The following DDA1 variants were observed in gnomAD, a reference collection of about 807,000 sequenced individuals.
DDA1 encodes DET1 and DDB1 associated 1.
Under a neutral mutation model 18.6 loss-of-function variants are expected in DDA1, and 3 were observed. That is an observed-to-expected ratio of 0.16 (90% CI 0.07 to 0.42). DDA1 has a LOEUF of 0.42. Ranked by LOEUF, DDA1 falls within the 10% of genes least tolerant of loss-of-function variation. DDA1 has a pLI of 0.99. For synonymous variants in DDA1, 52 were observed against 54.0 expected, an observed-to-expected ratio of 0.96 and a Z score of 0.17; for missense variants, 105 against 138.2, an observed-to-expected ratio of 0.76 and a Z score of 1.20.
rs760394803 is a variant in DDA1 at position 17,309,682 on chromosome 19, C to T, written c.3+25C>T. On this transcript the variant is annotated intron_variant, in intron 1 of 4. Transcript: ENST00000359866. ...GGTGAGGATGGCCTCCAGGCCCCCA[C>T]TCCCCCTCTGCTAGACAAAATGGCG... The T allele has an allele frequency of 6.2e-6, 10 of 1,611,690 alleles. No individual in the cohort carries two copies. In the South Asian group the frequency reaches 1.1e-4, roughly 18 times the overall value.
At position 17,323,028 on chromosome 19, in the gene DDA1, G is replaced by C. The variant is rs1366912281; in HGVS notation, c.*3372G>C. On this transcript the variant is annotated 3_prime_UTR_variant, in exon 5 of 5. Coordinates refer to ENST00000359866, the MANE Select transcript of DDA1 (RefSeq NM_024050.6). ...GTGGCTGAAGCCAGGGCTGAAGTTG[G>C]CCTCCAAATCTGGGCCGTCTCAGAG... 3 of 152,278 alleles carry C rather than the reference G, an allele frequency of 2.0e-5. No individual in the cohort carries two copies. Among genetic ancestry groups the C allele is most frequent in the African/African-American group, 7.2e-5 (3 of 41,468 alleles). The allele number at this position is 152,278 out of a possible 1,614,324, so 9.4% of individuals were successfully genotyped here. A position where few individuals can be genotyped will look rare whatever the true frequency, so the allele number is the denominator to read the frequency against.
At chr19:17,310,528 CA>C (rs2074174250) in intron 1 of DDA1, among the ~76,000 whole-genome samples, 1 of 152,192 alleles carries the variant, frequency 6.6e-6, no homozygotes, top group Admixed American at 6.5e-5. Context: ...AGCCTCTCCA[CA>C]ACCCCCATTA....
intron 3 of DDA1, among the ~76,000 whole-genome samples, chr19:17,315,142 TAC>T (rs199535528): frequency 0.011 from 1,065 of 99,260 alleles, 284 homozygotes; most frequent in African/African-American, 0.054. Context: ...CACATATATA[TAC>T]ACACACGTAT....
Position 17,319,703 on chromosome 19 carries a change from G to T in DDA1, c.*47G>T, listed in dbSNP as rs376535384. The T allele has an allele frequency of 4.7e-5, 71 of 1,514,258 alleles. No individual in the cohort carries two copies. The highest frequency in any genetic ancestry group is 6.1e-5 in the Non-Finnish European group (68 of 1,119,152). The allele number at this position is 1,514,258 out of a possible 1,614,324, so 93.8% of individuals were successfully genotyped here. A position where few individuals can be genotyped will look rare whatever the true frequency, so the allele number is the denominator to read the frequency against. Reference sequence around the variant, plus strand: ...CTCCTGCCAGGTCTGCTCCTCGGTCGCCCACCCGCCTGCCCGCCATGTGTA... The same window carrying T: ...CTCCTGCCAGGTCTGCTCCTCGGTCTCCCACCCGCCTGCCCGCCATGTGTA... On this transcript the variant is annotated 3_prime_UTR_variant, in exon 5 of 5. Transcript: ENST00000359866.
At position 17,315,951 on chromosome 19, in the gene DDA1, A is replaced by T; in HGVS notation, c.154A>T (p.Thr52Ser). 1.2e-6 allele frequency: 2 copies of T among 1,614,160 alleles called. No homozygotes were observed. The highest frequency in any genetic ancestry group is 1.7e-6 in the Non-Finnish European group (2 of 1,180,032). Residue 52 changes from threonine to serine, a missense_variant, in exon 4 of 5, where the codon ACA (threonine) becomes TCA (serine). Around this residue, in one of 2 missense-constraint regions of DDA1, gnomAD observed 43 missense variants for 82.3 expected, o/e 0.52. Transcript: ENST00000359866. Reference sequence around the variant, plus strand: ...CTCCTTAGTCATCGTGACAGAAAAGACAAACATCCTCCTGCGCTACCTGCA... The same window carrying T: ...CTCCTTAGTCATCGTGACAGAAAAGTCAAACATCCTCCTGCGCTACCTGCA... ...PSEQIIVTEKTNILLRYLHQQ... is the reference protein window; with the variant it reads ...PSEQIIVTEKSNILLRYLHQQ...
At chr19:17,312,022 C>T (rs553397957) in intron 1 of DDA1, among the ~76,000 whole-genome samples, 1 of 152,268 alleles carries the variant, frequency 6.6e-6, no homozygotes, top group East Asian at 1.9e-4. Flanking sequence ...AAAGGCTGCC[C>T]CTGAGGGAGC....
Position 17,314,364 on chromosome 19 carries a change from T to C in DDA1, c.111T>C (p.Pro37=), listed in dbSNP as rs1478629597. 1 of 1,614,236 alleles carries C rather than the reference T, an allele frequency of 6.2e-7. No individual in the cohort carries two copies. Among genetic ancestry groups the C allele is most frequent in the South Asian group, 1.1e-5 (1 of 91,086 alleles). ...ASNRRPSVYL[P]TREYPSEQII... ...ACCGACGGCCCTCAGTCTACCTGCC[T>C]ACCCGCGAGTACCCGTCTGAACAGA... The change falls in exon 3 of 5, where the codon CCT becomes CCC. Residue 37 remains proline, a synonymous_variant. Coordinates refer to ENST00000359866, the MANE Select transcript of DDA1 (RefSeq NM_024050.6). This position sits in a 1 kb window ranked among gnomAD's most constrained non-coding sequence, Gnocchi z 4.6.
chr19:17,318,340 T>C (rs1278179995), intron 4 of DDA1, among the ~76,000 whole-genome samples: 1 of 152,204 alleles, frequency 6.6e-6, no homozygotes, highest in Non-Finnish European at 1.5e-5. Flanking sequence ...CAAGCGATTC[T>C]CCTGCCTCAG....
intron 4 of DDA1, among the ~76,000 whole-genome samples, chr19:17,317,750 G>A (rs969618152): frequency 1.3e-5 from 2 of 149,688 alleles, no homozygotes; most frequent in Non-Finnish European, 3.0e-5. Context: ...GAGGTGGGAG[G>A]ATCGCTTGAG....
At chr19:17,318,021 T>G (rs1442160886) in intron 4 of DDA1, among the ~76,000 whole-genome samples, 1 of 151,972 alleles carries the variant, frequency 6.6e-6, no homozygotes, top group Non-Finnish European at 1.5e-5. Flanking sequence ...TTTCCCCTTT[T>G]TTTCCCCCTT....
intron 4 of DDA1, 82 bp downstream of exon 4, chr19:17,316,077 G>T: frequency 6.0e-6 from 9 of 1,488,534 alleles, no homozygotes; most frequent in African/African-American, 1.4e-5. Context: ...GCACAGGAAG[G>T]ACTCTAGTGA....
intron 4 of DDA1, among the ~76,000 whole-genome samples, chr19:17,318,334 C>A (rs954193746): frequency 6.6e-6 from 1 of 152,186 alleles, no homozygotes; most frequent in Non-Finnish European, 1.5e-5. Context: ...TGGGTTCAAG[C>A]GATTCTCCTG....
chr19:17,312,417 G>A (rs1205147707), intron 1 of DDA1, among the ~76,000 whole-genome samples: 1 of 152,120 alleles, frequency 6.6e-6, no homozygotes, highest in African/African-American at 2.4e-5. Flanking sequence ...GGAGCTGGTG[G>A]GGAGGTTAGC....
chr19:17,317,135 G>T (rs1166335733), intron 4 of DDA1, among the ~76,000 whole-genome samples: 1 of 152,208 alleles, frequency 6.6e-6, no homozygotes, highest in Non-Finnish European at 1.5e-5. Context: ...TGAGGCAGAA[G>T]AATGGCTTGA....
rs763528058 is a variant in DDA1 at position 17,319,854 on chromosome 19, C to T, written c.*198C>T. ...TATTTATGCTGTAACCTGTATCAAG[C>T]GTTGGTTAAAGGGGACATCAGACCC... is the stretch of plus-strand genomic sequence containing the variant. On this transcript the variant is annotated 3_prime_UTR_variant, in exon 5 of 5. Coordinates refer to ENST00000359866, the MANE Select transcript of DDA1 (RefSeq NM_024050.6). The T allele has an allele frequency of 3.6e-6, 2 of 561,286 alleles. No homozygotes were observed. Among genetic ancestry groups the T allele is most frequent in the African/African-American group, 3.8e-5 (2 of 52,784 alleles). 34.8% of individuals were successfully genotyped at this position (561,286 alleles called of 1,614,324 possible).
At position 17,315,429 on chromosome 19, in the gene DDA1, CATAT is replaced by C. The variant is rs56662339; in HGVS notation, c.137-482_137-479del. Among the ~76,000 whole-genome samples, 39 of 51,982 alleles carry C rather than the reference CATAT, an allele frequency of 7.5e-4. 1 individual carries two copies. The highest frequency in any genetic ancestry group is 1.0e-3 in the Non-Finnish European group (24 of 23,806). 34.1% of individuals were successfully genotyped at this position (51,982 alleles called of 152,430 possible). A position where few individuals can be genotyped will look rare whatever the true frequency, so the allele number is the denominator to read the frequency against. The stretch of plus-strand genomic sequence containing the variant: ...ACATACGTGTGTGTGTGTGTGTGTG[CATAT>C]ATATATATATATATATATATATTAG... On this transcript the variant is annotated intron_variant, in intron 3 of 4. Transcript: ENST00000359866.
At chr19:17,315,232 C>CAGTAT (rs2074202066) in intron 3 of DDA1, among the ~76,000 whole-genome samples, 5 of 47,214 alleles carry the variant, frequency 1.1e-4, no homozygotes, top group Admixed American at 1.5e-4. Context: ...CGTGTATACA[C>CAGTAT]ACACACGTGT....
intron 1 of DDA1, among the ~76,000 whole-genome samples, chr19:17,312,130 G>A (rs927889600): frequency 1.3e-5 from 2 of 152,168 alleles, no homozygotes; most frequent in Non-Finnish European, 2.9e-5. Flanking sequence ...CCCAGAGGCT[G>A]GGAAGTCCCT....
At position 17,314,220 on chromosome 19, in the gene DDA1, C is replaced by CCA. The variant is rs759169527; in HGVS notation, c.85-117_85-116dup. ...CAGAGGCTGATCTTCAAGCCCAGCCCCATCCACATACTTGAGTGTCTTCCA... is the reference window on the plus strand; with the variant it reads ...CAGAGGCTGATCTTCAAGCCCAGCCCCACATCCACATACTTGAGTGTCTTCCA... On this transcript the variant is annotated intron_variant, in intron 2 of 4. Transcript: ENST00000359866. This position sits in a 1 kb window ranked among gnomAD's most constrained non-coding sequence, Gnocchi z 4.6. 3.4e-5 allele frequency: 53 copies of CCA among 1,551,454 alleles called. No homozygotes were observed. Among genetic ancestry groups the CCA allele is most frequent in the Non-Finnish European group, 4.1e-5 (46 of 1,125,700 alleles).
Sources: gnomAD v4.1 joint callset for allele counts (sites outside exome capture counted in the v4.1 genomes callset) on GRCh38, gnomAD v4.1.1 for gene constraint, gnomAD v4.1.1 regional missense constraint, Gnocchi (gnomAD v3.1) non-coding constraint, MANE v1.5 for transcripts, NCBI Gene and HGNC (gene_info 2026-07-23, HGNC 2026-07-21) for gene names.